Variants in KBTBD12 observed in about 807,000 individuals in gnomAD.
The protein encoded by KBTBD12 is kelch repeat and BTB domain containing 12, also known as kelch repeat and BTB domain-containing protein 12.
KBTBD12 carries 53 observed loss-of-function variants against 58.7 expected under a neutral mutation model. That is an observed-to-expected ratio of 0.90 (90% CI 0.72 to 1.14). The LOEUF is 1.14. KBTBD12 is among the 50% of genes most tolerant of loss of function. The probability of loss-of-function intolerance (pLI) is 0.00; values close to 1 mark genes in which losing one functional copy is unlikely to be tolerated. For missense variants in KBTBD12, 704 were observed against 751.3 expected (o/e 0.94, Z 0.74); for synonymous variants, 236 against 259.8 (o/e 0.91, Z 0.88).
chr3:127,949,431 G>A (rs1285066053), intron 4 of KBTBD12, among the ~76,000 whole-genome samples: 1 of 152,120 alleles, frequency 6.6e-6, no homozygotes, highest in Non-Finnish European at 1.5e-5. Flanking sequence ...ATGAGGGAGA[G>A]CCATTGAAGG....
At chr3:127,970,439 T>C (rs1463885501) in intron 5 of KBTBD12, among the ~76,000 whole-genome samples, 1 of 152,128 alleles carries the variant, frequency 6.6e-6, no homozygotes, top group African/African-American at 2.4e-5. Context: ...TCCAAGAGAA[T>C]TGAAAATATA....
At chr3:127,972,464 GA>G (rs1332170267) in intron 5 of KBTBD12, among the ~76,000 whole-genome samples, 3 of 152,088 alleles carry the variant, frequency 2.0e-5, no homozygotes, top group African/African-American at 7.2e-5. Context: ...AACCTTTATT[GA>G]ATGCCTTTCT....
At chr3:127,961,809 G>T (rs1346984724) in intron 4 of KBTBD12, among the ~76,000 whole-genome samples, 1 of 152,202 alleles carries the variant, frequency 6.6e-6, no homozygotes, top group Non-Finnish European at 1.5e-5. Flanking sequence ...AGCAAGATAG[G>T]AAAGCAGGTG....
Position 127,923,001 on chromosome 3 carries a change from G to C in KBTBD12, c.-61G>C. 1 of 910,662 alleles carries C rather than the reference G, an allele frequency of 1.1e-6. No individual in the cohort carries two copies. The highest frequency in any genetic ancestry group is 1.7e-6 in the Non-Finnish European group (1 of 577,204). The allele number at this position is 910,662 out of a possible 1,614,324, so 56.4% of individuals were successfully genotyped here. The stretch of plus-strand genomic sequence containing the variant: ...TCATGAGTAATCAGACATGCAAATA[G>C]CCCCTCAGGAATCAAGCTACACTTA... On this transcript the variant is annotated 5_prime_UTR_variant, in exon 2 of 6. An upstream open reading frame in the 5' UTR loses its in-frame stop. Transcript: ENST00000405109.
Position 127,924,097 on chromosome 3 carries a change from T to C in KBTBD12, c.1036T>C (p.Ser346Pro). Residue 346 changes from serine to proline, a missense_variant, in exon 2 of 6, where the codon TCT becomes CCT. Physicochemically the swap from Ser to Pro is moderately conservative, Grantham distance 74. Coordinates refer to ENST00000405109, the MANE Select transcript of KBTBD12 (RefSeq NM_207335.4). Reference sequence around the variant, plus strand: ...TGGAGAAGCAAGTGCCTCTAAACTCTCTAGACAAAAGAACAAGAATGTTGA... The same window carrying C: ...TGGAGAAGCAAGTGCCTCTAAACTCCCTAGACAAAAGAACAAGAATGTTGA... ...VAGEASASKL[S>P]RQKNKNVEIY... is the part of the protein sequence containing the mutation. 1.2e-6 allele frequency: 2 copies of C among 1,611,738 alleles called. No homozygotes were observed. The highest frequency in any genetic ancestry group is 1.7e-6 in the Non-Finnish European group (2 of 1,178,712).
At chr3:127,956,988 C>T (rs564003916) in intron 4 of KBTBD12, among the ~76,000 whole-genome samples, 18 of 152,170 alleles carry the variant, frequency 1.2e-4, no homozygotes, top group African/African-American at 3.4e-4. Context: ...CAGAGAAGAA[C>T]GTAATACATA....
chr3:127,918,661 G>A lies in KBTBD12; in HGVS notation c.-113+3075G>A, dbSNP rs539665972. 6.5e-4 allele frequency among the ~76,000 whole-genome samples: 99 copies of A among 151,170 alleles called. No homozygotes were observed. In the South Asian group the frequency reaches 8.6e-3, roughly 13 times the overall value. ...CAGGAGGCTGAGCTTGCAGTGAGCC[G>A]AGGTCGCGCCACTGCACTCAAGCCT... On this transcript the variant is annotated intron_variant, in intron 1 of 5. Transcript: ENST00000405109.
intron 5 of KBTBD12, among the ~76,000 whole-genome samples, chr3:127,976,999 C>T (rs997966624): frequency 6.6e-6 from 1 of 152,164 alleles, no homozygotes; most frequent in Non-Finnish European, 1.5e-5. Flanking sequence ...CTCCCACCCT[C>T]CACCCTTAAG....
chr3:127,962,299 C>A (rs892082810), intron 4 of KBTBD12, among the ~76,000 whole-genome samples: 1 of 152,164 alleles, frequency 6.6e-6, no homozygotes, highest in Non-Finnish European at 1.5e-5. Flanking sequence ...AAAATAAAAG[C>A]AGTGCATAGA....
intron 5 of KBTBD12, among the ~76,000 whole-genome samples, chr3:127,975,544 G>C (rs1285330773): frequency 6.6e-6 from 1 of 152,204 alleles, no homozygotes; most frequent in Non-Finnish European, 1.5e-5. Flanking sequence ...AGTGATAGCA[G>C]ACTGTCATTG....
chr3:127,948,140 A>C (rs1307223788), intron 4 of KBTBD12, among the ~76,000 whole-genome samples: 1 of 152,260 alleles, frequency 6.6e-6, no homozygotes, highest in Non-Finnish European at 1.5e-5. Flanking sequence ...TAAGTACCTT[A>C]TTCAAACTGA....
chr3:127,956,129 T>A (rs1449624196), intron 4 of KBTBD12, among the ~76,000 whole-genome samples: 1 of 152,214 alleles, frequency 6.6e-6, no homozygotes, highest in Non-Finnish European at 1.5e-5. Context: ...GAATGGCTCA[T>A]TATGTTTTTG....
Position 127,952,367 on chromosome 3 carries a change from T to C in KBTBD12, c.1493-10822T>C, listed in dbSNP as rs530506574. On this transcript the variant is annotated intron_variant, in intron 4 of 5. Coordinates refer to ENST00000405109, the MANE Select transcript of KBTBD12 (RefSeq NM_207335.4). Reference sequence around the variant, plus strand: ...GTCCATTGGCCATTGAGTAATGTACTACTGTATTTGCTCCCTAAACTAGAA... The same window carrying C: ...GTCCATTGGCCATTGAGTAATGTACCACTGTATTTGCTCCCTAAACTAGAA... 3.9e-5 allele frequency among the ~76,000 whole-genome samples: 6 copies of C among 152,318 alleles called. No homozygotes were observed. The East Asian group carries it at 1.2e-3, about 29-fold the overall frequency.
In KBTBD12 at chr3:127,919,278, A is replaced by G. The variant is rs533697210; in HGVS notation, c.-112-3672A>G. On this transcript the variant is annotated intron_variant, in intron 1 of 5. Transcript: ENST00000405109. ...AACTTAAACAGCCTGTCACCCAGGC[A>G]GGAGTGCAGTGGCACGATCTTGGCT... 1.8e-4 allele frequency among the ~76,000 whole-genome samples: 27 copies of G among 152,220 alleles called. No individual in the cohort carries two copies. In the East Asian group the frequency reaches 4.6e-3, roughly 26 times the overall value.
intron 4 of KBTBD12, among the ~76,000 whole-genome samples, chr3:127,944,027 A>G (rs981810196): frequency 1.3e-5 from 2 of 151,962 alleles, no homozygotes; most frequent in African/African-American, 4.8e-5. Flanking sequence ...TCTCTATTCC[A>G]TTTTATTGGT....
chr3:127,966,273 A>G (rs1940566421), intron 5 of KBTBD12, among the ~76,000 whole-genome samples: 1 of 152,194 alleles, frequency 6.6e-6, no homozygotes, highest in African/African-American at 2.4e-5. Flanking sequence ...AACTAAGGCA[A>G]AGCCAGATTA....
Position 127,984,214 on chromosome 3 carries a change from G to A in KBTBD12, c.1808G>A (p.Arg603Lys), listed in dbSNP as rs1292996183. Reference sequence around the variant, plus strand: ...AGCTATGATGTCTGCCTAGTAGCCAGGATGAATCCCCGAGACCTCATCCCC... The same window carrying A: ...AGCTATGATGTCTGCCTAGTAGCCAAGATGAATCCCCGAGACCTCATCCCC... Reference protein sequence around the residue: ...HDSYDVCLVARMNPRDLIPPP... With the variant: ...HDSYDVCLVAKMNPRDLIPPP... Residue 603 changes from arginine to lysine, a missense_variant, in exon 6 of 6, where the codon AGG becomes AAG. Physicochemically the swap from Arg to Lys is conservative, Grantham distance 26 (BLOSUM62 2). Transcript: ENST00000405109. 1.9e-6 allele frequency: 3 copies of A among 1,613,900 alleles called. No individual in the cohort carries two copies. The highest frequency in any genetic ancestry group is 1.7e-5 in the Admixed American group (1 of 60,004).
chr3:127,960,442 C>T (rs1009554576), intron 4 of KBTBD12, among the ~76,000 whole-genome samples: 1 of 152,122 alleles, frequency 6.6e-6, no homozygotes, highest in Non-Finnish European at 1.5e-5. Context: ...ATTCATTTGT[C>T]TGTTTTTGAA....
chr3:127,939,049 G>C (rs1939886378), intron 4 of KBTBD12, among the ~76,000 whole-genome samples: 1 of 152,136 alleles, frequency 6.6e-6, no homozygotes, highest in African/African-American at 2.4e-5. Flanking sequence ...AATCTGTCTG[G>C]CTCCGGCATG....
Sources: allele counts gnomAD v4.1 joint callset (sites outside exome capture counted in the v4.1 genomes callset), GRCh38; gene constraint gnomAD v4.1.1; transcripts MANE v1.5; gene names NCBI Gene and HGNC (gene_info 2026-07-23, HGNC 2026-07-21).